Variants in CADM2 observed in about 807,000 individuals in gnomAD.
CADM2 encodes the protein cell adhesion molecule 2, also known as immunoglobulin superfamily member 4D.
In CADM2, 12 loss-of-function variants were observed where a neutral mutation model predicts 49.8. The observed-to-expected ratio is 0.24, with a 90% CI of 0.15 to 0.39. The LOEUF is 0.39. CADM2 is among the 10% of genes least tolerant of loss of function. The pLI is 1.00. For synonymous variants in CADM2, 214 were observed against 175.4 expected, an observed-to-expected ratio of 1.22 and a Z score of -1.74; for missense variants, 378 against 492.3, an observed-to-expected ratio of 0.77 and a Z score of 2.20.
intron 1 of CADM2, among the ~76,000 whole-genome samples, chr3:85,499,815 T>G (rs2107662700): frequency 6.6e-6 from 1 of 152,202 alleles, no homozygotes; most frequent in Non-Finnish European, 1.5e-5. Flanking sequence ...AGGAGCAAAA[T>G]TAGGCTGCTT....
intron 1 of CADM2, among the ~76,000 whole-genome samples, chr3:85,024,193 C>T (rs2034625320): frequency 6.6e-6 from 1 of 152,070 alleles, no homozygotes; most frequent in African/African-American, 2.4e-5. Context: ...TATCAGCCAT[C>T]AAAGGAAAAA....
intron 8 of CADM2, among the ~76,000 whole-genome samples, chr3:85,961,921 A>G (rs1724879009): frequency 1.3e-5 from 2 of 151,734 alleles, no homozygotes; most frequent in African/African-American, 4.8e-5. Flanking sequence ...AACTATATTA[A>G]TGATTGTCTT....
chr3:85,962,956 C>T (rs1725023616), intron 8 of CADM2, among the ~76,000 whole-genome samples: 1 of 151,834 alleles, frequency 6.6e-6, no homozygotes, highest in Middle Eastern at 3.2e-3. Context: ...GTGTTTGTTC[C>T]ATACCTTTCC....
chr3:85,388,008 A>C (rs2034328657), intron 1 of CADM2, among the ~76,000 whole-genome samples: 1 of 152,204 alleles, frequency 6.6e-6, no homozygotes, highest in African/African-American at 2.4e-5. Flanking sequence ...ATTTTCTTAG[A>C]GACCCTGACA....
intron 1 of CADM2, among the ~76,000 whole-genome samples, chr3:85,584,427 A>G (rs747899951): frequency 7.2e-5 from 11 of 152,124 alleles, no homozygotes; most frequent in Non-Finnish European, 1.6e-4. Flanking sequence ...CTACCCGTTT[A>G]TCTACAGTAA....
At chr3:85,440,336 G>T (rs1469492287) in intron 1 of CADM2, among the ~76,000 whole-genome samples, 1 of 152,082 alleles carries the variant, frequency 6.6e-6, no homozygotes, top group African/African-American at 2.4e-5. Context: ...TTCAGAACAG[G>T]CAGTACTTAA....
intron 1 of CADM2, among the ~76,000 whole-genome samples, chr3:85,444,576 A>C (rs1174921977): frequency 1.1e-4 from 16 of 152,152 alleles, no homozygotes; most frequent in Admixed American, 1.0e-3. Context: ...ACATTTTGTA[A>C]ATAGAGCTTT....
At chr3:86,048,064 A>G (rs1344662896) in intron 8 of CADM2, among the ~76,000 whole-genome samples, 1 of 152,208 alleles carries the variant, frequency 6.6e-6, no homozygotes, top group East Asian at 1.9e-4. Flanking sequence ...ATGTATAAAA[A>G]ACATTAAAAT....
At chr3:85,500,026 T>C (rs921730023) in intron 1 of CADM2, among the ~76,000 whole-genome samples, 2 of 152,224 alleles carry the variant, frequency 1.3e-5, no homozygotes, top group East Asian at 3.8e-4. Context: ...AGACTTGGCC[T>C]ATTGATTCAA....
At chr3:85,011,459 A>C (rs1228368641) in intron 1 of CADM2, among the ~76,000 whole-genome samples, 1 of 152,216 alleles carries the variant, frequency 6.6e-6, no homozygotes, top group African/African-American at 2.4e-5. Flanking sequence ...TCACAGATGC[A>C]ACAAAAATAA....
At chr3:85,742,319 A>G (rs1283747264) in intron 2 of CADM2, among the ~76,000 whole-genome samples, 1 of 152,148 alleles carries the variant, frequency 6.6e-6, no homozygotes, top group Admixed American at 6.5e-5. Flanking sequence ...TTATACATAC[A>G]TGTCTTTCTA....
At chr3:85,625,205 T>A (rs1167791669) in intron 1 of CADM2, among the ~76,000 whole-genome samples, 1 of 152,128 alleles carries the variant, frequency 6.6e-6, no homozygotes, top group Non-Finnish European at 1.5e-5. Flanking sequence ...AACTGAAAAC[T>A]CAGACCCAAA....
At chr3:85,541,740 TATA>T (rs1455041855) in intron 1 of CADM2, among the ~76,000 whole-genome samples, 6 of 59,478 alleles carry the variant, frequency 1.0e-4, no homozygotes, top group South Asian at 7.8e-4. Context: ...ATTTTATATA[TATA>T]TTTTATATAT....
intron 1 of CADM2, among the ~76,000 whole-genome samples, chr3:85,705,231 GAAA>G (rs56832861): frequency 1.4e-5 from 2 of 139,828 alleles, no homozygotes. Context: ...TTTTCATCAT[GAAA>G]AAAAAAAAAA....
At chr3:85,601,185 CACACAT>C (rs1231161540) in intron 1 of CADM2, among the ~76,000 whole-genome samples, 1 of 116,422 alleles carries the variant, frequency 8.6e-6, no homozygotes, top group African/African-American at 2.7e-5. Context: ...CACACACACA[CACACAT>C]ACATGTCATT....
At chr3:86,066,305 C>G (rs1242041598) in intron 9 of CADM2, among the ~76,000 whole-genome samples, 2 of 116,828 alleles carry the variant, frequency 1.7e-5, no homozygotes, top group Non-Finnish European at 3.2e-5. Context: ...TGCACTCCAG[C>G]CTGGGCGAGA....
intron 1 of CADM2, among the ~76,000 whole-genome samples, chr3:85,395,938 T>C (rs1024898942): frequency 2.6e-4 from 39 of 148,596 alleles, no homozygotes; most frequent in African/African-American, 9.5e-4. Context: ...AATTATAAAA[T>C]ATTATAATTT....
In CADM2 at chr3:85,961,458, C is replaced by T; in HGVS notation, c.792-11C>T. 1.3e-6 allele frequency: 2 copies of T among 1,561,190 alleles called. No individual in the cohort carries two copies. The highest frequency in any genetic ancestry group is 1.7e-6 in the Non-Finnish European group (2 of 1,144,994). ...ATTTTTGCTATCTACATGCATGTTT[C>T]AATCCAATAGGCCAGAACCTGTTTT... On this transcript the variant is annotated splice_polypyrimidine_tract_variant and intron_variant, in intron 7 of 9. Coordinates refer to ENST00000383699, the MANE Select transcript of CADM2 (RefSeq NM_001167675.2).
At chr3:85,353,117 G>T (rs1388723976) in intron 1 of CADM2, among the ~76,000 whole-genome samples, 1 of 152,020 alleles carries the variant, frequency 6.6e-6, no homozygotes, top group Non-Finnish European at 1.5e-5. Flanking sequence ...GTTGCAGCTT[G>T]GATTATTTTT....
Sources: gnomAD v4.1 joint callset for allele counts (sites outside exome capture counted in the v4.1 genomes callset) on GRCh38, gnomAD v4.1.1 for gene constraint, MANE v1.5 for transcripts, NCBI Gene and HGNC (gene_info 2026-07-23, HGNC 2026-07-21) for gene names.